Variants in CSMD1 observed in about 807,000 individuals in gnomAD.
CSMD1 encodes CUB and Sushi multiple domains 1.
Under a neutral mutation model 417.5 loss-of-function variants are expected in CSMD1, and 213 were observed. That is an observed-to-expected ratio of 0.51 (90% CI 0.46 to 0.57). The LOEUF (loss-of-function observed/expected upper bound fraction) is 0.57, where lower values mean the gene tolerates loss of function less well. Among genes scored for constraint, CSMD1 ranks in the 20% least tolerant of loss-of-function variants. The pLI, the probability that CSMD1 is intolerant of heterozygous loss-of-function variation, is 0.00. For missense variants in CSMD1, 6,923 were observed against 4,529.7 expected (o/e 1.53, Z -15.17); for synonymous variants, 2,862 against 1,736.8 (o/e 1.65, Z -16.11).
At chr8:3,595,730 T>A (rs1415725640) in intron 8 of CSMD1, among the ~76,000 whole-genome samples, 1 of 152,174 alleles carries the variant, frequency 6.6e-6, no homozygotes, top group Non-Finnish European at 1.5e-5. Context: ...TGTTCCAAGT[T>A]ATGTTATAAG....
intron 5 of CSMD1, among the ~76,000 whole-genome samples, chr8:3,845,749 C>G (rs1219274647): frequency 1.3e-5 from 2 of 152,144 alleles, no homozygotes; most frequent in Non-Finnish European, 2.9e-5. Context: ...TACAATAACA[C>G]ATAGCTCAGA....
chr8:3,675,261 G>T (rs1237555491), intron 7 of CSMD1, among the ~76,000 whole-genome samples: 1 of 152,146 alleles, frequency 6.6e-6, no homozygotes, highest in African/African-American at 2.4e-5. Flanking sequence ...TGGCTGGCAT[G>T]TGCGTGCCAT....
chr8:3,601,816 C>G (rs1801374055), intron 8 of CSMD1, among the ~76,000 whole-genome samples: 2 of 152,176 alleles, frequency 1.3e-5, no homozygotes, highest in African/African-American at 4.8e-5. Flanking sequence ...TTCAGAATCT[C>G]AAATGATTCA....
chr8:4,525,711 G>A (rs988847930), intron 2 of CSMD1, among the ~76,000 whole-genome samples: 2 of 152,130 alleles, frequency 1.3e-5, no homozygotes, highest in East Asian at 3.9e-4. Context: ...CCAAGCTAGG[G>A]ATGGTCAGGT....
At chr8:3,463,767 G>C (rs185338389) in intron 12 of CSMD1, among the ~76,000 whole-genome samples, 58 of 152,278 alleles carry the variant, frequency 3.8e-4, no homozygotes, top group African/African-American at 1.2e-3. Flanking sequence ...GCACCTTCAA[G>C]ATTACATAAC....
intron 1 of CSMD1, among the ~76,000 whole-genome samples, chr8:4,793,549 A>C (rs1397686386): frequency 6.6e-6 from 1 of 151,998 alleles, no homozygotes; most frequent in Non-Finnish European, 1.5e-5. Flanking sequence ...CTGCTTGCAG[A>C]AATTATTTCT....
At chr8:4,302,514 G>T (rs776249301) in intron 3 of CSMD1, among the ~76,000 whole-genome samples, 1 of 152,118 alleles carries the variant, frequency 6.6e-6, no homozygotes, top group Non-Finnish European at 1.5e-5. Context: ...TAGCGTGCTT[G>T]CATGTAGGAA....
intron 6 of CSMD1, among the ~76,000 whole-genome samples, chr8:3,743,520 A>C (rs754700192): frequency 6.6e-6 from 1 of 152,232 alleles, no homozygotes; most frequent in Non-Finnish European, 1.5e-5. Flanking sequence ...TAATGGAAAG[A>C]AACAAGGGTG....
At chr8:3,067,860 T>C (rs1376529169) in intron 49 of CSMD1, among the ~76,000 whole-genome samples, 1 of 152,106 alleles carries the variant, frequency 6.6e-6, no homozygotes, top group African/African-American at 2.4e-5. Flanking sequence ...TGAGTCAATA[T>C]TATTACCCTC....
chr8:4,060,260 C>A (rs182321623), intron 3 of CSMD1, among the ~76,000 whole-genome samples: 1 of 152,044 alleles, frequency 6.6e-6, no homozygotes, highest in Non-Finnish European at 1.5e-5. Flanking sequence ...ATGCTAAAAA[C>A]TCTCAATAAA....
intron 3 of CSMD1, among the ~76,000 whole-genome samples, chr8:4,375,620 T>C (rs1201745395): frequency 6.6e-6 from 1 of 152,116 alleles, no homozygotes; most frequent in Non-Finnish European, 1.5e-5. Context: ...AACAGCCACG[T>C]GGAATTGTGG....
chr8:2,965,293 G>A (rs992737441), intron 59 of CSMD1, among the ~76,000 whole-genome samples: 1 of 152,126 alleles, frequency 6.6e-6, no homozygotes, highest in African/African-American at 2.4e-5. Flanking sequence ...CTCGGCCAGT[G>A]TCATCTTCAG....
At chr8:4,742,900 T>C (rs1358623066) in intron 1 of CSMD1, among the ~76,000 whole-genome samples, 1 of 152,104 alleles carries the variant, frequency 6.6e-6, no homozygotes, top group Non-Finnish European at 1.5e-5. Context: ...ATCAGAACGG[T>C]TAAAAAAAAT....
chr8:3,812,470 C>T (rs1046716235), intron 5 of CSMD1, among the ~76,000 whole-genome samples: 3 of 152,116 alleles, frequency 2.0e-5, no homozygotes, highest in Non-Finnish European at 4.4e-5. Context: ...AAGACACGAT[C>T]CCCTTGAAAT....
intron 2 of CSMD1, among the ~76,000 whole-genome samples, chr8:4,504,397 T>A (rs1585175673): frequency 6.6e-6 from 1 of 152,198 alleles, no homozygotes; most frequent in Non-Finnish European, 1.5e-5. Context: ...GGAGATCCGA[T>A]GAACAACATT....
intron 3 of CSMD1, among the ~76,000 whole-genome samples, chr8:4,212,954 C>A (rs776379863): frequency 6.6e-6 from 1 of 152,054 alleles, no homozygotes; most frequent in Non-Finnish European, 1.5e-5. Context: ...CTCATACCCA[C>A]TGAAGACCTA....
At chr8:3,981,439 G>A (rs985136939) in intron 5 of CSMD1, among the ~76,000 whole-genome samples, 13 of 141,480 alleles carry the variant, frequency 9.2e-5, no homozygotes, top group South Asian at 6.5e-4. Flanking sequence ...ACAAATCACC[G>A]CTAAAGAACT....
Position 3,761,498 on chromosome 8 carries a change from C to T in CSMD1, c.819-7456G>A, listed in dbSNP as rs199599885. On this transcript the variant is annotated intron_variant, in intron 5 of 69. Coordinates refer to ENST00000635120, the MANE Select transcript of CSMD1 (RefSeq NM_033225.6). ...TTCAACAGTTCTTTAATCAAAACGA[C>T]CATTTTTTTTTTTTTTTTTTTTTTT... is the stretch of plus-strand genomic sequence containing the variant. 2.1e-4 allele frequency among the ~76,000 whole-genome samples: 29 copies of T among 137,786 alleles called. No homozygotes were observed. In the East Asian group the frequency reaches 6.5e-3, roughly 31 times the overall value. The allele number at this position is 137,786 out of a possible 152,430, so 90.4% of individuals were successfully genotyped here.
chr8:4,293,193 G>C (rs1436588807), intron 3 of CSMD1, among the ~76,000 whole-genome samples: 1 of 149,436 alleles, frequency 6.7e-6, no homozygotes, highest in Admixed American at 6.6e-5. Context: ...CTGGCACAGA[G>C]AGAGGAAGAG....
Sources: allele counts gnomAD v4.1 joint callset (sites outside exome capture counted in the v4.1 genomes callset), GRCh38; gene constraint gnomAD v4.1.1; transcripts MANE v1.5; gene names NCBI Gene and HGNC (gene_info 2026-07-23, HGNC 2026-07-21).